TTN: variants seen among roughly 807,000 people sequenced by gnomAD.
The protein encoded by TTN is connectin.
TTN carries 1,525 observed loss-of-function variants against 3,223.0 expected under a neutral mutation model. The ratio of observed to expected loss-of-function variants is 0.47; its 90% CI spans 0.45 to 0.49. The LOEUF is 0.49. Ranked by LOEUF, TTN falls within the 20% of genes least tolerant of loss-of-function variation. TTN has a pLI of 0.00. For missense variants in TTN, 40,786 were observed against 43,424.0 expected (o/e 0.94, Z 5.40); for synonymous variants, 14,094 against 15,161.0 (o/e 0.93, Z 5.17).
At position 178,554,517 on chromosome 2, in the gene TTN, G is replaced by T. The variant is rs750893192; in HGVS notation, c.88830C>A (p.Ala29610=). 2 of 1,613,420 alleles carry T rather than the reference G, an allele frequency of 1.2e-6. No homozygotes were observed. Among genetic ancestry groups the T allele is most frequent in the Non-Finnish European group, 1.7e-6 (2 of 1,179,742 alleles). ...GCTCGCCAATTCCATATTTGTTCACGGCTCGGACCCGGAAGATGTATTCAT... is the reference window on the plus strand; with the variant it reads ...GCTCGCCAATTCCATATTTGTTCACTGCTCGGACCCGGAAGATGTATTCAT... ...KGNEYIFRVR[A]VNKYGIGEPL... is the part of the protein sequence containing the mutation. The change falls in exon 332 of 363, where the codon GCC becomes GCA. Residue 29610 remains alanine (A), a synonymous_variant. Transcript: ENST00000589042.
chr2:178,616,527 A>G lies in TTN; in HGVS notation c.48264T>C (p.Thr16088=), dbSNP rs1439369523. 1.2e-6 allele frequency: 2 copies of G among 1,612,486 alleles called. No individual in the cohort carries two copies. The highest frequency in any genetic ancestry group is 1.7e-6 in the Non-Finnish European group (2 of 1,178,960). Reference sequence around the variant, plus strand: ...CTTCTCGTTTTTCAACAACGTATCCAGTTAACGGACTTCCTCCATCATCAT... The same window carrying G: ...CTTCTCGTTTTTCAACAACGTATCCGGTTAACGGACTTCCTCCATCATCAT... ...PPDDDGGSPL[T]GYVVEKREVS... The change falls in exon 257 of 363, where the codon ACT becomes ACC. Residue 16088 remains threonine (T), a synonymous_variant. Coordinates refer to ENST00000589042, the MANE Select transcript of TTN (RefSeq NM_001267550.2).
Position 178,531,870 on chromosome 2 carries a change from T to G in TTN, c.104745A>C (p.Lys34915Asn), listed in dbSNP as rs1390713685. 7 of 1,613,286 alleles carry G rather than the reference T, an allele frequency of 4.3e-6. No homozygotes were observed. Among genetic ancestry groups the G allele is most frequent in the Non-Finnish European group, 5.9e-6 (7 of 1,179,602 alleles). Residue 34915 changes from lysine to asparagine, a missense_variant, in exon 358 of 363, where the codon AAA becomes AAC. Physicochemically the swap from Lys to Asn is moderately conservative, Grantham distance 94. Coordinates refer to ENST00000589042, the MANE Select transcript of TTN (RefSeq NM_001267550.2). ...ATGTCTTCTGAGTTTTTAAAGCAGCTTTCATGGACTCATACCTGGAAAAGA... is the reference window on the plus strand; with the variant it reads ...ATGTCTTCTGAGTTTTTAAAGCAGCGTTCATGGACTCATACCTGGAAAAGA... ...FDIFSRYESM[K>N]AALKTQKTSE...
intron 135 of TTN, 48 bp from the exon 136 acceptor site, chr2:178,681,786 T>G: frequency 6.9e-7 from 1 of 1,449,560 alleles, no homozygotes. Context: ...AGAATATAAG[T>G]TTAAACATTT....
intron 44 of TTN, among the ~76,000 whole-genome samples, chr2:178,758,233 A>G (rs1486066012): frequency 2.6e-5 from 4 of 152,154 alleles, no homozygotes; most frequent in Non-Finnish European, 5.9e-5. Context: ...TTAATTTTAA[A>G]CCACTTTAAA....
At chr2:178,545,332 T>A (rs1370536935) in intron 344 of TTN, 56 bp downstream of exon 344, 1 of 1,443,568 alleles carries the variant, frequency 6.9e-7, no homozygotes, top group Non-Finnish European at 9.2e-7. Context: ...GTTGGAAAAT[T>A]ATCTGTCATA....
At position 178,568,781 on chromosome 2, in the gene TTN, G is replaced by C; in HGVS notation, c.77351C>G (p.Ser25784Cys). 6.2e-7 allele frequency: 1 copy of C among 1,612,966 alleles called. No individual in the cohort carries two copies. Among genetic ancestry groups the C allele is most frequent in the Non-Finnish European group, 8.5e-7 (1 of 1,179,384 alleles). ...VNEKGRSDPR[S>C]LAVPIVAKDL... is the part of the protein sequence containing the mutation. ...TTTGGCAACTATTGGAACTGCAAGG[G>C]ACCGAGGATCACTTCTCCCCTTTTC... Residue 25784 changes from serine (S) to cysteine (C), a missense_variant, in exon 326 of 363, where the codon TCC (serine) becomes TGC (cysteine). Transcript: ENST00000589042.
At chr2:178,793,676 T>A (rs2093628303) in intron 8 of TTN, 135 bp from the exon 9 acceptor site, 2 of 1,206,898 alleles carry the variant, frequency 1.7e-6, no homozygotes, top group East Asian at 2.5e-5. Context: ...GGCGCACACC[T>A]GTAATCCCAG....
At chr2:178,605,388 A>G in intron 279 of TTN, 26 bp downstream of exon 279, 1 of 1,547,970 alleles carries the variant, frequency 6.5e-7, no homozygotes, top group South Asian at 1.3e-5. Context: ...ATGCATTAAA[A>G]TTATTATTAT....
At chr2:178,724,206 G>GAAACTTGTAA (rs2078943910) in intron 72 of TTN, 54 bp downstream of exon 72, 2 of 1,582,854 alleles carry the variant, frequency 1.3e-6, no homozygotes, top group Non-Finnish European at 1.7e-6. Context: ...TTGAAAGAAG[G>GAAACTTGTAA]AAACTTGTAA....
rs1024593046 is a variant in TTN at position 178,692,000 on chromosome 2, A to C, written c.31762+16T>G. On this transcript the variant is annotated intron_variant, in intron 121 of 362. Transcript: ENST00000589042. Reference sequence around the variant, plus strand: ...ACTTGGAGCAAAGAGTCTCCCCATCATTGGCTCTGGCGTACCTTTTGGGGG... The same window carrying C: ...ACTTGGAGCAAAGAGTCTCCCCATCCTTGGCTCTGGCGTACCTTTTGGGGG... 2.5e-6 allele frequency: 4 copies of C among 1,605,772 alleles called. No homozygotes were observed. The African/African-American group carries it at 4.0e-5, about 16-fold the overall frequency.
In TTN at chr2:178,585,459, T is replaced by C. The variant is rs149374689; in HGVS notation, c.64397-112A>G. On this transcript the variant is annotated intron_variant, in intron 308 of 362. Transcript: ENST00000589042. ...GTATTACCACCAATTTTTTTTAATA[T>C]ATACTTTAAGTTCTGGGATACATAT... is the stretch of plus-strand genomic sequence containing the variant. 3.4e-6 allele frequency: 4 copies of C among 1,187,876 alleles called. No individual in the cohort carries two copies. In the East Asian group the frequency reaches 9.7e-5, roughly 29 times the overall value. 73.6% of individuals were successfully genotyped at this position (1,187,876 alleles called of 1,614,324 possible).
intron 228 of TTN, 80 bp downstream of exon 228, chr2:178,635,085 C>T: frequency 6.4e-7 from 1 of 1,568,228 alleles, no homozygotes; most frequent in South Asian, 1.2e-5. Context: ...ATTAAAGCAA[C>T]CCGAATCTAG....
rs1206752183 is a variant in TTN, at chr2:178,571,145, T to C, written c.74987A>G (p.Lys24996Arg). 3 of 1,613,402 alleles carry C rather than the reference T, an allele frequency of 1.9e-6. No homozygotes were observed. The South Asian group carries it at 3.3e-5, about 18-fold the overall frequency. ...ENIVGIGKPS[K>R]VSECYVARDP... The stretch of plus-strand genomic sequence containing the variant: ...ACGAGCCACATAACATTCTGATACT[T>C]TACTCGGCTTGCCAATGCCCACGAT... The change falls in exon 326 of 363, where the codon AAA becomes AGA. Residue 24996 changes from lysine (K) to arginine (R), a missense_variant. Lys to Arg is a conservative substitution (Grantham distance 26). Coordinates refer to ENST00000589042, the MANE Select transcript of TTN (RefSeq NM_001267550.2).
chr2:178,531,917 C>A lies in TTN; in HGVS notation c.104698G>T (p.Glu34900Ter). Reference sequence around the variant, plus strand: ...AAGATATCAAATCTTGCAGACCTCTCAAATCTCGAGAGTGATCTCTCACTA... The same window carrying A: ...AAGATATCAAATCTTGCAGACCTCTAAAATCTCGAGAGTGATCTCTCACTA... ...VSSERSLSRF[E>*]RSARFDIFSR... Residue 34900 changes from glutamate to a stop codon, truncating the protein, a stop_gained, in exon 358 of 363, where the codon GAG becomes TAG. Coordinates refer to ENST00000589042, the MANE Select transcript of TTN (RefSeq NM_001267550.2). LOFTEE classifies it high-confidence loss of function. 6.2e-7 allele frequency: 1 copy of A among 1,612,958 alleles called. No homozygotes were observed. The highest frequency in any genetic ancestry group is 8.5e-7 in the Non-Finnish European group (1 of 1,179,400).
In TTN at chr2:178,547,188, T is replaced by G; in HGVS notation, c.94337A>C (p.Glu31446Ala). ...AAGAATTGTATTACGTTCTTTCTTCTCAACCCAGTAGCCAATGATTTTACT... is the reference window on the plus strand; with the variant it reads ...AAGAATTGTATTACGTTCTTTCTTCGCAACCCAGTAGCCAATGATTTTACT... ...GGSKIIGYWVEKKERNTILWV... is the reference protein window; with the variant it reads ...GGSKIIGYWVAKKERNTILWV... Residue 31446 changes from glutamate to alanine, a missense_variant, in exon 340 of 363, where the codon GAG becomes GCG. Coordinates refer to ENST00000589042, the MANE Select transcript of TTN (RefSeq NM_001267550.2). 1 of 1,613,872 alleles carries G rather than the reference T, an allele frequency of 6.2e-7. No homozygotes were observed. Among genetic ancestry groups the G allele is most frequent in the Non-Finnish European group, 8.5e-7 (1 of 1,179,794 alleles).
chr2:178,544,827 T>C (rs992329348), intron 344 of TTN, among the ~76,000 whole-genome samples: 2 of 152,196 alleles, frequency 1.3e-5, no homozygotes, highest in African/African-American at 4.8e-5. Flanking sequence ...TTTAGTTGCT[T>C]ATCTTTCACT....
At chr2:178,551,360 AAGT>A (rs1423931132) in intron 335 of TTN, 100 bp from the exon 336 acceptor site, 4 of 940,956 alleles carry the variant, frequency 4.3e-6, no homozygotes, top group Non-Finnish European at 5.6e-6. Flanking sequence ...TTTAATAAAT[AAGT>A]AAAATTTTTA....
chr2:178,541,509 G>T lies in TTN; in HGVS notation c.97568C>A (p.Pro32523Gln). Residue 32523 changes from proline (P) to glutamine (Q), a missense_variant, in exon 350 of 363, where the codon CCA (proline) becomes CAA (glutamine). Transcript: ENST00000589042. Reference sequence around the variant, plus strand: ...CACTTGGGAGCCACCGTCATCCTCTGGTGGGTACCAAGTAAGTGTCATGCC... The same window carrying T: ...CACTTGGGAGCCACCGTCATCCTCTTGTGGGTACCAAGTAAGTGTCATGCC... Reference protein sequence around the residue: ...RDGMTLTWYPPEDDGGSQVTG... With the variant: ...RDGMTLTWYPQEDDGGSQVTG... 2 of 1,613,204 alleles carry T rather than the reference G, an allele frequency of 1.2e-6. No homozygotes were observed. The highest frequency in any genetic ancestry group is 1.7e-6 in the Non-Finnish European group (2 of 1,179,498).
chr2:178,601,392 G>A lies in TTN; in HGVS notation c.55605C>T (p.Ser18535=). The A allele has an allele frequency of 6.2e-7, 1 of 1,612,778 alleles. No homozygotes were observed. The highest frequency in any genetic ancestry group is 8.5e-7 in the Non-Finnish European group (1 of 1,179,310). ...GGAGATCAGGCACTACAAATGTGGT[G>A]CTTCCACAGTCTGGATTGACTTTGG... ...AWTKVNPDCG[S]TTFVVPDLLS... is the part of the protein sequence containing the mutation. The change falls in exon 287 of 363, where the codon AGC becomes AGT. Residue 18535 remains serine (S), a synonymous_variant. Coordinates refer to ENST00000589042, the MANE Select transcript of TTN (RefSeq NM_001267550.2).
Sources: allele counts gnomAD v4.1 joint callset (sites outside exome capture counted in the v4.1 genomes callset), GRCh38; gene constraint gnomAD v4.1.1; transcripts MANE v1.5; gene names NCBI Gene and HGNC (gene_info 2026-07-23, HGNC 2026-07-21).